The following GBE1 variants were observed in gnomAD, a reference collection of about 807,000 sequenced individuals.
The protein encoded by GBE1 is 1,4-alpha-glucan branching enzyme 1, also known as 1,4-alpha-glucan-branching enzyme.
In GBE1, 70 loss-of-function variants were observed where a neutral mutation model predicts 88.8. That is an observed-to-expected ratio of 0.79 (90% CI 0.65 to 0.96). The LOEUF (loss-of-function observed/expected upper bound fraction) is 0.96, where lower values mean the gene tolerates loss of function less well. GBE1 is among the 40% of genes least tolerant of loss of function. The pLI is 0.00. For missense variants in GBE1, 872 were observed against 871.0 expected (o/e 1.00, Z -0.01); for synonymous variants, 284 against 300.1 (o/e 0.95, Z 0.56).
At chr3:81,572,653 AT>A (rs1703590227) in intron 12 of GBE1, among the ~76,000 whole-genome samples, 1 of 152,174 alleles carries the variant, frequency 6.6e-6, no homozygotes, top group South Asian at 2.1e-4. Context: ...TTTACTTGAT[AT>A]TTTAAAACAT....
At chr3:81,743,479 C>A (rs1472630022) in intron 1 of GBE1, 11 of 958,794 alleles carry the variant, frequency 1.1e-5, no homozygotes, top group African/African-American at 1.6e-5. Flanking sequence ...TAAGTTTTAA[C>A]AGAGAATCAA....
chr3:81,637,227 TA>T (rs1227127168), intron 7 of GBE1, among the ~76,000 whole-genome samples: 2 of 152,192 alleles, frequency 1.3e-5, no homozygotes, highest in African/African-American at 4.8e-5. Context: ...GCTATGAAGA[TA>T]AGGTACCTAT....
intron 3 of GBE1, among the ~76,000 whole-genome samples, chr3:81,659,285 T>G (rs1206140333): frequency 6.6e-6 from 1 of 152,058 alleles, no homozygotes; most frequent in East Asian, 1.9e-4. Flanking sequence ...TGGTAATAAA[T>G]TCAATCATTT....
chr3:81,650,658 T>C (rs964243188), intron 3 of GBE1, among the ~76,000 whole-genome samples: 1 of 152,198 alleles, frequency 6.6e-6, no homozygotes, highest in African/African-American at 2.4e-5. Flanking sequence ...ATTGAAATGA[T>C]AGCTTTTTAT....
intron 2 of GBE1, among the ~76,000 whole-genome samples, chr3:81,682,133 C>A (rs529990034): frequency 6.6e-6 from 1 of 152,126 alleles, no homozygotes; most frequent in Non-Finnish European, 1.5e-5. Context: ...GACATTTCTA[C>A]CAACAAGATG....
intron 14 of GBE1, among the ~76,000 whole-genome samples, chr3:81,515,842 C>A (rs995925740): frequency 6.6e-6 from 1 of 151,604 alleles, no homozygotes; most frequent in African/African-American, 2.4e-5. Context: ...AAACTAGCCA[C>A]AACATTCCCA....
At chr3:81,750,617 G>GTC in intron 1 of GBE1, among the ~76,000 whole-genome samples, 1 of 42,150 alleles carries the variant, frequency 2.4e-5, no homozygotes, top group South Asian at 5.4e-4. Flanking sequence ...ATATATATAT[G>GTC]TATATATATA....
intron 1 of GBE1, among the ~76,000 whole-genome samples, chr3:81,734,804 A>G (rs1706238013): frequency 6.6e-6 from 1 of 152,190 alleles, no homozygotes; most frequent in Non-Finnish European, 1.5e-5. Flanking sequence ...TCCAGGTGCA[A>G]AGGACTACAG....
At chr3:81,727,920 A>C (rs1706134896) in intron 1 of GBE1, among the ~76,000 whole-genome samples, 1 of 152,162 alleles carries the variant, frequency 6.6e-6, no homozygotes, top group Admixed American at 6.6e-5. Context: ...CCTAGCCAGA[A>C]TTGCCAAGGC....
chr3:81,626,017 C>T (rs1704409683), intron 7 of GBE1, among the ~76,000 whole-genome samples: 1 of 152,172 alleles, frequency 6.6e-6, no homozygotes, highest in Non-Finnish European at 1.5e-5. Context: ...ATTTCCTTAA[C>T]TTGTATGTTG....
intron 7 of GBE1, among the ~76,000 whole-genome samples, chr3:81,634,059 G>C (rs539098628): frequency 1.3e-5 from 2 of 152,290 alleles, no homozygotes; most frequent in Admixed American, 6.5e-5. Context: ...TATTCGAAAT[G>C]GTTTGTGAAT....
chr3:81,709,594 T>A (rs556697139), intron 1 of GBE1, among the ~76,000 whole-genome samples: 1 of 152,332 alleles, frequency 6.6e-6, no homozygotes, highest in South Asian at 2.1e-4. Context: ...TACCTTATGA[T>A]AAATTTTTAG....
intron 12 of GBE1, among the ~76,000 whole-genome samples, chr3:81,542,499 T>C (rs1225212418): frequency 6.6e-6 from 1 of 152,134 alleles, no homozygotes; most frequent in African/African-American, 2.4e-5. Flanking sequence ...CTCCTGAAAA[T>C]AATTTTCAAC....
chr3:81,576,439 C>A (rs188835183), intron 12 of GBE1, among the ~76,000 whole-genome samples: 21 of 152,258 alleles, frequency 1.4e-4, no homozygotes, highest in Non-Finnish European at 2.8e-4. Flanking sequence ...TGAAATAAAG[C>A]ATTTAAAATA....
At chr3:81,653,506 A>G (rs1225541494) in intron 3 of GBE1, among the ~76,000 whole-genome samples, 6 of 152,010 alleles carry the variant, frequency 3.9e-5, no homozygotes, top group Non-Finnish European at 7.4e-5. Flanking sequence ...ATAAAGCTAA[A>G]AGAAAAAAGT....
chr3:81,659,922 A>G (rs1256896351), intron 3 of GBE1, among the ~76,000 whole-genome samples: 1 of 152,224 alleles, frequency 6.6e-6, no homozygotes, highest in African/African-American at 2.4e-5. Context: ...AATATTCTTT[A>G]CAAATTAAGG....
intron 7 of GBE1, among the ~76,000 whole-genome samples, chr3:81,604,880 A>C (rs2106976415): frequency 6.6e-6 from 1 of 152,270 alleles, no homozygotes; most frequent in South Asian, 2.1e-4. Flanking sequence ...ACCTTTCATA[A>C]CATGTTTAAC....
At chr3:81,697,368 C>T (rs1310887774) in intron 2 of GBE1, among the ~76,000 whole-genome samples, 6 of 148,146 alleles carry the variant, frequency 4.1e-5, no homozygotes, top group Non-Finnish European at 6.0e-5. Flanking sequence ...GGTGTGATCT[C>T]GGCTCACTGC....
intron 12 of GBE1, among the ~76,000 whole-genome samples, chr3:81,566,943 G>A (rs1471761311): frequency 6.6e-6 from 1 of 152,010 alleles, no homozygotes; most frequent in Non-Finnish European, 1.5e-5. Flanking sequence ...ACACAAACAT[G>A]TTCTTATATT....
Sources: allele counts gnomAD v4.1 joint callset (sites outside exome capture counted in the v4.1 genomes callset), GRCh38; gene constraint gnomAD v4.1.1; transcripts MANE v1.5; gene names NCBI Gene and HGNC (gene_info 2026-07-23, HGNC 2026-07-21).